Variants in SMC3 observed in about 807,000 individuals in gnomAD.
SMC3 encodes the protein structural maintenance of chromosomes protein 3.
SMC3 carries 20 observed loss-of-function variants against 171.8 expected under a neutral mutation model. The observed-to-expected ratio is 0.12, with a 90% confidence interval of 0.08 to 0.17. The LOEUF is 0.17. Among genes scored for constraint, SMC3 ranks in the 10% least tolerant of loss-of-function variants. The pLI is 1.00. For missense variants in SMC3, 543 were observed against 1,420.4 expected, an observed-to-expected ratio of 0.38 and a Z score of 9.93; for synonymous variants, 464 against 451.1, an observed-to-expected ratio of 1.03 and a Z score of -0.36.
chr10:110,603,116 A>T, intron 27 of SMC3, 68 bp from the exon 28 acceptor site: 2 of 1,524,218 alleles, frequency 1.3e-6, no homozygotes, highest in Non-Finnish European at 1.8e-6. Context: ...AAGAGTAAAG[A>T]TAGTTGCTTT....
At chr10:110,583,288 G>T in intron 10 of SMC3, 96 bp from the exon 11 acceptor site, 1 of 967,992 alleles carries the variant, frequency 1.0e-6, no homozygotes, top group Non-Finnish European at 1.6e-6. Context: ...AAAGGACAGA[G>T]TATTACTAAA....
intron 13 of SMC3, among the ~76,000 whole-genome samples, chr10:110,585,310 A>G (rs61861675): frequency 9.1e-6 from 1 of 109,370 alleles, no homozygotes; most frequent in African/African-American, 3.8e-5. Flanking sequence ...TTTTTTTTTA[A>G]TACGAGTCTC....
intron 2 of SMC3, among the ~76,000 whole-genome samples, chr10:110,569,533 A>C (rs1860836949): frequency 6.6e-6 from 1 of 152,116 alleles, no homozygotes; most frequent in Non-Finnish European, 1.5e-5. Context: ...ACCTAATGTA[A>C]ATGTCGAGTT....
At chr10:110,587,937 T>C (rs949106452) in intron 13 of SMC3, among the ~76,000 whole-genome samples, 2 of 152,224 alleles carry the variant, frequency 1.3e-5, no homozygotes, top group Non-Finnish European at 2.9e-5. Flanking sequence ...GAGTCCCAAA[T>C]TCCTTATGTG....
intron 2 of SMC3, among the ~76,000 whole-genome samples, chr10:110,572,971 T>G (rs1860893840): frequency 6.6e-6 from 1 of 152,192 alleles, no homozygotes; most frequent in Admixed American, 6.5e-5. Context: ...CTGGCTCCTG[T>G]GTCTGTCATA....
At chr10:110,570,401 G>A (rs763434887) in intron 2 of SMC3, among the ~76,000 whole-genome samples, 2 of 139,408 alleles carry the variant, frequency 1.4e-5, no homozygotes, top group African/African-American at 2.7e-5. Flanking sequence ...ATCAATAGCA[G>A]CCTTGTAGTT....
intron 13 of SMC3, among the ~76,000 whole-genome samples, chr10:110,584,968 C>T (rs115732984): frequency 2.2e-3 from 334 of 151,648 alleles, no homozygotes; most frequent in African/African-American, 7.7e-3. Context: ...CTTACATACC[C>T]TTAATTTAAC....
chr10:110,567,855 C>A (rs905473238), intron 1 of SMC3, 24 bp downstream of exon 1: 1 of 1,613,238 alleles, frequency 6.2e-7, no homozygotes, highest in East Asian at 2.2e-5. Context: ...GTCCCTCCAC[C>A]CCGTCATGGG....
Position 110,602,457 on chromosome 10 carries a change from T to A in SMC3, c.3106-17T>A, listed in dbSNP as rs767109330. The A allele has an allele frequency of 6.2e-7, 1 of 1,601,542 alleles. No homozygotes were observed. The highest frequency in any genetic ancestry group is 8.5e-7 in the Non-Finnish European group (1 of 1,170,318). On this transcript the variant is annotated splice_polypyrimidine_tract_variant and intron_variant, in intron 25 of 28. Coordinates refer to ENST00000361804, the MANE Select transcript of SMC3 (RefSeq NM_005445.4). ...ATTCTAAGCAAAATTTATATTTCAA[T>A]CTGCTTTTGTTTTAAGGTATCTAAG...
chr10:110,596,199 G>A (rs1400119257), intron 18 of SMC3, among the ~76,000 whole-genome samples, 199 bp from the exon 19 acceptor site: 1 of 127,330 alleles, frequency 7.9e-6, no homozygotes, highest in Non-Finnish European at 1.6e-5. Flanking sequence ...TCCAGCCTGA[G>A]CAACAAGAGC....
intron 23 of SMC3, among the ~76,000 whole-genome samples, chr10:110,601,421 A>G (rs149515842): frequency 3.8e-4 from 58 of 152,326 alleles, no homozygotes; most frequent in South Asian, 8.3e-4. Flanking sequence ...TATAGTTTAT[A>G]AGCATTAACA....
rs758503036 is a variant in SMC3, at chr10:110,571,044, A to AT, written c.91+2038dup. On this transcript the variant is annotated intron_variant, in intron 2 of 28. Transcript: ENST00000361804. The stretch of plus-strand genomic sequence containing the variant: ...GCATCAAACATATACGTTTTTAGGG[A>AT]TTTTTTTCCCCCTAACCTTTAACAA... 6.9e-4 allele frequency among the ~76,000 whole-genome samples: 105 copies of AT among 152,238 alleles called. 1 individual carries two copies. The highest frequency in any genetic ancestry group is 1.2e-3 in the South Asian group (6 of 4,828).
Position 110,590,675 on chromosome 10 carries a change from A to G in SMC3, c.1670+103A>G, listed in dbSNP as rs111663120. On this transcript the variant is annotated intron_variant, in intron 16 of 28. Transcript: ENST00000361804. ...ACAACATATCTTCCATTATCTTTTT[A>G]TATCTCGGTTCCTTAACTTTCTAAT... 1,394 of 979,096 alleles carry G rather than the reference A, an allele frequency of 1.4e-3. 4 individuals are homozygous for G. Among genetic ancestry groups the G allele is most frequent in the Non-Finnish European group, 1.9e-3 (1,230 of 633,026 alleles). 60.7% of individuals were successfully genotyped at this position (979,096 alleles called of 1,614,324 possible).
chr10:110,594,103 TGATC>T (rs1434877492), intron 18 of SMC3, among the ~76,000 whole-genome samples: 20 of 9,522 alleles, frequency 2.1e-3, no homozygotes, highest in African/African-American at 5.3e-3. Flanking sequence ...CTCTGAAATG[TGATC>T]ATATAGCAGG....
chr10:110,601,151 A>G (rs766339766), intron 23 of SMC3, 21 bp downstream of exon 23: 1 of 1,568,458 alleles, frequency 6.4e-7, no homozygotes, highest in East Asian at 2.2e-5. Flanking sequence ...ATGTAGTAAA[A>G]TTTTGTTTAT....
rs748401897 is a variant in SMC3, at chr10:110,580,884, T to A, written c.430-20T>A. ...ACGGAGGCTACAGCTATGTAATGAT[T>A]ATTTTTCTAAAAATTTTAGATCAAC... is the stretch of plus-strand genomic sequence containing the variant. On this transcript the variant is annotated intron_variant, in intron 7 of 28. Coordinates refer to ENST00000361804, the MANE Select transcript of SMC3 (RefSeq NM_005445.4). 3 of 1,330,302 alleles carry A rather than the reference T, an allele frequency of 2.3e-6. No homozygotes were observed. The highest frequency in any genetic ancestry group is 3.3e-6 in the Non-Finnish European group (3 of 920,804). 82.4% of individuals were successfully genotyped at this position (1,330,302 alleles called of 1,614,324 possible).
chr10:110,582,703 C>T, intron 10 of SMC3, 61 bp downstream of exon 10: 1 of 1,297,304 alleles, frequency 7.7e-7, no homozygotes, highest in Non-Finnish European at 1.1e-6. Flanking sequence ...GGGTCTTGTT[C>T]TGTCATCCAG....
At chr10:110,573,384 GA>G (rs1335272873) in intron 2 of SMC3, among the ~76,000 whole-genome samples, 1 of 151,372 alleles carries the variant, frequency 6.6e-6, no homozygotes, top group African/African-American at 2.4e-5. Flanking sequence ...AGTTAAAATA[GA>G]ATTATATATC....
chr10:110,578,545 A>G lies in SMC3; in HGVS notation c.351-83A>G, dbSNP rs1356989568. 29 of 957,322 alleles carry G rather than the reference A, an allele frequency of 3.0e-5. 1 individual carries two copies. In the South Asian group the frequency reaches 3.5e-4, roughly 11 times the overall value. The allele number at this position is 957,322 out of a possible 1,614,324, so 59.3% of individuals were successfully genotyped here. The stretch of plus-strand genomic sequence containing the variant: ...TTACTGATCTTTCCTCCCTAATGCT[A>G]TCAACCAAGGGGCTACTCTACTCAT... On this transcript the variant is annotated intron_variant, in intron 6 of 28. Coordinates refer to ENST00000361804, the MANE Select transcript of SMC3 (RefSeq NM_005445.4).
Sources: gnomAD v4.1 joint callset for allele counts (sites outside exome capture counted in the v4.1 genomes callset) on GRCh38, gnomAD v4.1.1 for gene constraint, MANE v1.5 for transcripts, NCBI Gene and HGNC (gene_info 2026-07-23, HGNC 2026-07-21) for gene names.